Variants in LEKR1 observed in about 807,000 individuals in gnomAD.
The protein encoded by LEKR1 is protein LEKR1.
A neutral mutation model predicts 72.4 loss-of-function variants in LEKR1; 59 were observed. The ratio of observed to expected loss-of-function variants is 0.82; its 90% CI spans 0.66 to 1.01. LEKR1 has a LOEUF of 1.01. LEKR1 is among the 50% of genes least tolerant of loss of function. The pLI is 0.00. For missense variants in LEKR1, 728 were observed against 759.2 expected, an observed-to-expected ratio of 0.96 and a Z score of 0.48; for synonymous variants, 257 against 263.2, an observed-to-expected ratio of 0.98 and a Z score of 0.23.
intron 2 of LEKR1, among the ~76,000 whole-genome samples, chr3:156,851,715 A>G (rs1226102064): frequency 6.6e-6 from 1 of 152,028 alleles, no homozygotes; most frequent in East Asian, 1.9e-4. Flanking sequence ...GTGTAATGAC[A>G]TTGGTAGGCA....
At chr3:156,848,149 G>T (rs1714859626) in intron 2 of LEKR1, among the ~76,000 whole-genome samples, 1 of 152,114 alleles carries the variant, frequency 6.6e-6, no homozygotes, top group African/African-American at 2.4e-5. Context: ...TGCAAGATGG[G>T]CAAAAATTTT....
At chr3:156,861,548 C>T (rs997303463) in intron 3 of LEKR1, among the ~76,000 whole-genome samples, 22 of 152,008 alleles carry the variant, frequency 1.4e-4, no homozygotes, top group African/African-American at 5.3e-4. Context: ...GGTAAGAATT[C>T]CTACAGTAAA....
chr3:156,901,039 G>T (rs1402139607), intron 3 of LEKR1, among the ~76,000 whole-genome samples: 1 of 151,962 alleles, frequency 6.6e-6, no homozygotes, highest in African/African-American at 2.4e-5. Flanking sequence ...TGCCCAGCCT[G>T]GTCTTAAACT....
intron 12 of LEKR1, among the ~76,000 whole-genome samples, chr3:157,037,409 C>T (rs560399234): frequency 6.6e-6 from 1 of 151,842 alleles, no homozygotes; most frequent in South Asian, 2.1e-4. Context: ...GTGGCAGAGA[C>T]AAGAATAAAG....
chr3:157,016,443 G>A (rs1416258614), intron 10 of LEKR1, among the ~76,000 whole-genome samples: 1 of 152,024 alleles, frequency 6.6e-6, no homozygotes, highest in African/African-American at 2.4e-5. Flanking sequence ...GAAAGTTAGG[G>A]GGGCAATGAG....
At chr3:156,872,581 C>T (rs1253847053) in intron 3 of LEKR1, among the ~76,000 whole-genome samples, 3 of 151,934 alleles carry the variant, frequency 2.0e-5, no homozygotes, top group East Asian at 3.9e-4. Flanking sequence ...GTGTTTATTG[C>T]TAAAAGCTTC....
chr3:156,897,024 A>G (rs925567190), intron 3 of LEKR1, among the ~76,000 whole-genome samples: 1 of 152,194 alleles, frequency 6.6e-6, no homozygotes, highest in Non-Finnish European at 1.5e-5. Flanking sequence ...AAAGAAGGGA[A>G]CAATAGACAC....
chr3:156,992,787 TTAAG>T (rs1472591405), intron 8 of LEKR1, 57 bp downstream of exon 8: 2 of 335,106 alleles, frequency 6.0e-6, no homozygotes, highest in Admixed American at 5.2e-5. Context: ...AAAACTGTAT[TTAAG>T]TAACATTTTA....
At chr3:156,834,484 A>G (rs61052509) in intron 2 of LEKR1, among the ~76,000 whole-genome samples, 1 of 152,228 alleles carries the variant, frequency 6.6e-6, no homozygotes, top group Non-Finnish European at 1.5e-5. Context: ...ACAAAAACAC[A>G]TTCTACTTCC....
chr3:156,902,436 AAT>A (rs900330554), intron 3 of LEKR1, among the ~76,000 whole-genome samples: 20 of 152,066 alleles, frequency 1.3e-4, no homozygotes, highest in African/African-American at 4.8e-4. Context: ...TCACAATCAA[AAT>A]ATGTTATGTT....
At chr3:156,897,381 C>T (rs1721302953) in intron 3 of LEKR1, among the ~76,000 whole-genome samples, 1 of 152,112 alleles carries the variant, frequency 6.6e-6, no homozygotes, top group East Asian at 1.9e-4. Context: ...TGCCCATGGC[C>T]CATGACACAG....
At chr3:157,027,795 C>T (rs760983591) in intron 11 of LEKR1, among the ~76,000 whole-genome samples, 1 of 152,074 alleles carries the variant, frequency 6.6e-6, no homozygotes, top group Non-Finnish European at 1.5e-5. Flanking sequence ...GTGCTCCAGC[C>T]TTGGCAACAG....
rs765796513 is a variant in LEKR1, at chr3:157,045,565, C to T, written c.1894C>T (p.Gln632Ter). The change falls in exon 13 of 13, where the codon CAA (glutamine) becomes TAA (stop). Residue 632 changes from glutamine to a stop codon, truncating the protein, a stop_gained. Transcript: ENST00000356539. LOFTEE classifies it low-confidence loss of function (END_TRUNC). Reference protein sequence around the residue: ...LARLNSEKGIQIPNLRGVSKP... With the variant: ...LARLNSEKGI ...AAGACTGAACTCTGAAAAAGGAATC[C>T]AAATTCCCAACCTGCGCGGGGTGTC... 5.6e-6 allele frequency: 9 copies of T among 1,614,010 alleles called. No homozygotes were observed. Among genetic ancestry groups the T allele is most frequent in the Non-Finnish European group, 6.8e-6 (8 of 1,180,030 alleles).
At chr3:157,018,692 C>T (rs1733579025) in intron 10 of LEKR1, among the ~76,000 whole-genome samples, 1 of 152,156 alleles carries the variant, frequency 6.6e-6, no homozygotes. Context: ...ATTGTTTCCA[C>T]CTTGTAGTTG....
intron 12 of LEKR1, among the ~76,000 whole-genome samples, chr3:157,040,969 A>T (rs1735300679): frequency 6.6e-6 from 1 of 152,224 alleles, no homozygotes. Flanking sequence ...GCCTCTAAGA[A>T]TAAAAAGGAA....
At chr3:156,941,556 A>G (rs1726206354) in intron 5 of LEKR1, among the ~76,000 whole-genome samples, 1 of 152,070 alleles carries the variant, frequency 6.6e-6, no homozygotes, top group Non-Finnish European at 1.5e-5. Context: ...AGAGCAATAA[A>G]CGAAACCAAC....
intron 3 of LEKR1, among the ~76,000 whole-genome samples, chr3:156,920,335 G>T (rs1288382985): frequency 6.6e-6 from 1 of 152,030 alleles, no homozygotes; most frequent in Admixed American, 6.6e-5. Flanking sequence ...TAGATAAAAA[G>T]TTCTGCCTCT....
intron 11 of LEKR1, among the ~76,000 whole-genome samples, chr3:157,026,965 A>G (rs1480013519): frequency 6.6e-6 from 1 of 152,104 alleles, no homozygotes; most frequent in Non-Finnish European, 1.5e-5. Context: ...GAAGCAATAC[A>G]TTTTCAGAAT....
chr3:157,038,464 T>G (rs1334253763), intron 12 of LEKR1, among the ~76,000 whole-genome samples: 1 of 152,220 alleles, frequency 6.6e-6, no homozygotes, highest in East Asian at 1.9e-4. Flanking sequence ...ATGTCGATTT[T>G]GGACAATTCC....
Sources: gnomAD v4.1 joint callset for allele counts (sites outside exome capture counted in the v4.1 genomes callset) on GRCh38, gnomAD v4.1.1 for gene constraint, MANE v1.5 for transcripts, NCBI Gene and HGNC (gene_info 2026-07-23, HGNC 2026-07-21) for gene names.